The following RASGRP2 variants were observed in gnomAD, a reference collection of about 807,000 sequenced individuals.
RASGRP2 encodes the protein RAS guanyl releasing protein 2.
In RASGRP2, 44 loss-of-function variants were observed where a neutral mutation model predicts 71.0. That is an observed-to-expected ratio of 0.62 (90% CI 0.49 to 0.80). RASGRP2 has a LOEUF of 0.80. RASGRP2 is among the 30% of genes least tolerant of loss of function. The probability of loss-of-function intolerance (pLI) is 0.00; values close to 1 mark genes in which losing one functional copy is unlikely to be tolerated. For synonymous variants in RASGRP2, 350 were observed against 330.7 expected (o/e 1.06, Z -0.63); for missense variants, 663 against 813.4 (o/e 0.82, Z 2.25).
At position 64,743,287 on chromosome 11, in the gene RASGRP2, C is replaced by A. The variant is rs762895827; in HGVS notation, c.-71-350G>T. On this transcript the variant is annotated intron_variant, in intron 1 of 16. Transcript: ENST00000394432. This position sits in a 1 kb window ranked among gnomAD's most constrained non-coding sequence, Gnocchi z 4.9. Reference sequence around the variant, plus strand: ...GCACCTGCAGCACCCCGCAGCTCGGCTCTGCGCCCCTCCCGCTTCCCTCCC... The same window carrying A: ...GCACCTGCAGCACCCCGCAGCTCGGATCTGCGCCCCTCCCGCTTCCCTCCC... 4.3e-6 allele frequency: 2 copies of A among 467,922 alleles called. No homozygotes were observed. Among genetic ancestry groups the A allele is most frequent in the South Asian group, 1.6e-5 (1 of 64,494 alleles). 29.0% of individuals were successfully genotyped at this position (467,922 alleles called of 1,614,324 possible).
intron 12 of RASGRP2, 109 bp from the exon 13 acceptor site, chr11:64,730,303 G>T: frequency 7.2e-7 from 1 of 1,397,254 alleles, no homozygotes. Flanking sequence ...CCTGATTTTG[G>T]ACTCCTGTTG....
At chr11:64,741,599 G>T in intron 3 of RASGRP2, 98 bp from the exon 4 acceptor site, 1 of 1,094,844 alleles carries the variant, frequency 9.1e-7, no homozygotes, top group Non-Finnish European at 1.4e-6. Context: ...ACACGTTCTA[G>T]GGATGGGGCT....
rs758587703 is a variant in RASGRP2 at position 64,736,897 on chromosome 11, T to G, written c.951A>C (p.Ala317=). 1 of 1,613,930 alleles carries G rather than the reference T, an allele frequency of 6.2e-7. No individual in the cohort carries two copies. Among genetic ancestry groups the G allele is most frequent in the South Asian group, 1.1e-5 (1 of 91,088 alleles). ...HLKDLVALQL[A]LPDWLDPART... ...GGGCTGGGTCCAGCCAGTCAGGCAG[T>G]GCCAGCTGCAGGGCCACCAGGTCCT... Residue 317 remains alanine (A), a synonymous_variant, in exon 9 of 17, where the codon GCA becomes GCC. Coordinates refer to ENST00000394432, the MANE Select transcript of RASGRP2 (RefSeq NM_001098671.2).
chr11:64,736,527 C>G (rs1304972521), intron 9 of RASGRP2, among the ~76,000 whole-genome samples: 1 of 152,232 alleles, frequency 6.6e-6, no homozygotes, highest in East Asian at 1.9e-4. Context: ...AGGCCCAGTT[C>G]AAACTGCCCA....
chr11:64,732,416 C>T (rs1343838085), intron 12 of RASGRP2, among the ~76,000 whole-genome samples: 1 of 151,900 alleles, frequency 6.6e-6, no homozygotes, highest in African/African-American at 2.4e-5. Context: ...CCCAGAACTT[C>T]GGGAGGCCGA....
chr11:64,744,947 C>T (rs1565527498), upstream of RASGRP2: 1 of 149,022 alleles, frequency 6.7e-6, no homozygotes, highest in Non-Finnish European at 1.5e-5. Flanking sequence ...GGCTGCGCCA[C>T]CCCCACCGGG....
chr11:64,735,177 T>C lies in RASGRP2; in HGVS notation c.1347A>G (p.Glu449=). 2 of 1,614,206 alleles carry C rather than the reference T, an allele frequency of 1.2e-6. No individual in the cohort carries two copies. The highest frequency in any genetic ancestry group is 2.2e-5 in the East Asian group (1 of 44,892). ...DVDGDGHISQ[E]EFQIIRGNFP... ...AGTTCCCACGGATGATCTGGAATTC[T>C]TCCTGTGAGATGTGGCCATCCCCAT... is the stretch of plus-strand genomic sequence containing the variant. Residue 449 remains glutamate, a synonymous_variant, in exon 12 of 17, where the codon GAA becomes GAG. Coordinates refer to ENST00000394432, the MANE Select transcript of RASGRP2 (RefSeq NM_001098671.2). This position sits in a 1 kb window ranked among gnomAD's most constrained non-coding sequence, Gnocchi z 4.2.
chr11:64,743,353 C>A lies in RASGRP2; in HGVS notation c.-71-416G>T. ...CCCCCGCAGGGTTATTTTGGGAACC[C>A]AGAGCCTGAGGGGACCTCGGAGGAA... On this transcript the variant is annotated intron_variant, in intron 1 of 16. Coordinates refer to ENST00000394432, the MANE Select transcript of RASGRP2 (RefSeq NM_001098671.2). This position sits in a 1 kb window ranked among gnomAD's most constrained non-coding sequence, Gnocchi z 4.9. 2.4e-6 allele frequency: 1 copy of A among 423,956 alleles called. No homozygotes were observed. The highest frequency in any genetic ancestry group is 4.7e-6 in the Non-Finnish European group (1 of 212,694). 26.3% of individuals were successfully genotyped at this position (423,956 alleles called of 1,614,324 possible). A position where few individuals can be genotyped will look rare whatever the true frequency, so the allele number is the denominator to read the frequency against.
Position 64,742,423 on chromosome 11 carries a change from T to C in RASGRP2, c.74-311A>G, listed in dbSNP as rs1283390367. The C allele has an allele frequency of 5.3e-6, 3 of 563,012 alleles. No homozygotes were observed. Among genetic ancestry groups the C allele is most frequent in the South Asian group, 2.0e-5 (1 of 49,274 alleles). 34.9% of individuals were successfully genotyped at this position (563,012 alleles called of 1,614,324 possible). On this transcript the variant is annotated intron_variant, in intron 2 of 16. Coordinates refer to ENST00000394432, the MANE Select transcript of RASGRP2 (RefSeq NM_001098671.2). This position sits in a 1 kb window ranked among gnomAD's most constrained non-coding sequence, Gnocchi z 4.7. ...AATCCAGAGGTCATTTCCTGAGCGC[T>C]TGGGGGGAAGGGGCACCCCTTCACC...
chr11:64,741,672 G>A (rs2058128822), intron 3 of RASGRP2, 171 bp from the exon 4 acceptor site: 2 of 720,816 alleles, frequency 2.8e-6, no homozygotes, highest in Non-Finnish European at 5.0e-6. Flanking sequence ...GGTGGGGGTG[G>A]AGGACTAGGT....
At chr11:64,744,188 T>C, upstream of RASGRP2, 1 of 986,076 alleles carries the variant, frequency 1.0e-6, no homozygotes, top group African/African-American at 1.7e-5. Flanking sequence ...CACACCCCCA[T>C]GGGTGCGCAC....
Position 64,727,147 on chromosome 11 carries a change from C to T in RASGRP2, c.*7-16G>A, listed in dbSNP as rs561028200. 48 of 607,122 alleles carry T rather than the reference C, an allele frequency of 7.9e-5. 2 individuals are homozygous for T. The highest frequency in any genetic ancestry group is 7.3e-4 in the South Asian group (47 of 63,964). The allele number at this position is 607,122 out of a possible 1,614,324, so 37.6% of individuals were successfully genotyped here. ...CCAACCACAGCTGGGAAGAGAAAAA[C>T]AGGTTGTGAGGAAGACACCCCCCTA... On this transcript the variant is annotated splice_polypyrimidine_tract_variant and intron_variant, in intron 16 of 16. Coordinates refer to ENST00000394432, the MANE Select transcript of RASGRP2 (RefSeq NM_001098671.2).
intron 9 of RASGRP2, 53 bp from the exon 10 acceptor site, chr11:64,736,033 G>T: frequency 1.3e-6 from 2 of 1,502,282 alleles, no homozygotes; most frequent in Non-Finnish European, 9.2e-7. Flanking sequence ...CAGCCACAGA[G>T]CCCAGGGCCA....
In RASGRP2 at chr11:64,739,989, G is replaced by C; in HGVS notation, c.522+24C>G. On this transcript the variant is annotated intron_variant, in intron 6 of 16. Coordinates refer to ENST00000394432, the MANE Select transcript of RASGRP2 (RefSeq NM_001098671.2). This position sits in a 1 kb window ranked among gnomAD's most constrained non-coding sequence, Gnocchi z 4.2. ...CTCTTCCAGCCCACATTGGACCCCTGACCCCCCAGCCCTCGGGCCGCACCA... is the reference window on the plus strand; with the variant it reads ...CTCTTCCAGCCCACATTGGACCCCTCACCCCCCAGCCCTCGGGCCGCACCA... 1 of 1,613,836 alleles carries C rather than the reference G, an allele frequency of 6.2e-7. No homozygotes were observed. Among genetic ancestry groups the C allele is most frequent in the South Asian group, 1.1e-5 (1 of 91,040 alleles).
chr11:64,733,244 G>A (rs1295212384), intron 12 of RASGRP2, among the ~76,000 whole-genome samples: 3 of 152,128 alleles, frequency 2.0e-5, no homozygotes, highest in Non-Finnish European at 2.9e-5. Context: ...AATTTTGTAA[G>A]AAAGAAATGG....
At chr11:64,734,439 C>A (rs1413445301) in intron 12 of RASGRP2, among the ~76,000 whole-genome samples, 1 of 152,072 alleles carries the variant, frequency 6.6e-6, no homozygotes, top group Admixed American at 6.6e-5. Context: ...AGGCGTGAGG[C>A]ACCGCACCTG....
chr11:64,744,108 G>A lies in RASGRP2; in HGVS notation c.-177C>T, dbSNP rs2058232597. 1 of 988,384 alleles carries A rather than the reference G, an allele frequency of 1.0e-6. No homozygotes were observed. Among genetic ancestry groups the A allele is most frequent in the Middle Eastern group, 5.2e-4 (1 of 1,920 alleles). The allele number at this position is 988,384 out of a possible 1,614,324, so 61.2% of individuals were successfully genotyped here. A position where few individuals can be genotyped will look rare whatever the true frequency, so the allele number is the denominator to read the frequency against. On this transcript the variant is annotated 5_prime_UTR_variant, in exon 1 of 17. Coordinates refer to ENST00000394432, the MANE Select transcript of RASGRP2 (RefSeq NM_001098671.2). ...TGAGTCCCGCGGCCACACAGGCGCTGACATCCTCACACGTGTGCACACACG... is the reference window on the plus strand; with the variant it reads ...TGAGTCCCGCGGCCACACAGGCGCTAACATCCTCACACGTGTGCACACACG...
intron 12 of RASGRP2, among the ~76,000 whole-genome samples, chr11:64,734,008 A>C (rs973034511): frequency 4.6e-5 from 7 of 151,796 alleles, no homozygotes; most frequent in Non-Finnish European, 1.0e-4. Context: ...CGTGCCACCC[A>C]TGCCCAAAAA....
Position 64,730,139 on chromosome 11 carries a change from C to T in RASGRP2, c.1468G>A (p.Val490Met), listed in dbSNP as rs1216927641. The change falls in exon 13 of 17, where the codon GTG becomes ATG. Residue 490 changes from valine (V) to methionine (M), a missense_variant. Transcript: ENST00000394432. ...ACGAAGCCCATGCGCCCCCCCAACA[C>T]AGAGCTGGAGCGCAGGAAATAGGAA... is the stretch of plus-strand genomic sequence containing the variant. The part of the protein sequence containing the change: ...MVSYFLRSSS[V>M]LGGRMGFVHN... The T allele has an allele frequency of 4.5e-6, 7 of 1,551,462 alleles. No individual in the cohort carries two copies.
Sources: gnomAD v4.1 joint callset for allele counts (sites outside exome capture counted in the v4.1 genomes callset) on GRCh38, gnomAD v4.1.1 for gene constraint, Gnocchi (gnomAD v3.1) non-coding constraint, MANE v1.5 for transcripts, NCBI Gene and HGNC (gene_info 2026-07-23, HGNC 2026-07-21) for gene names.